MACROD2: variants seen among roughly 807,000 people sequenced by gnomAD.
The protein encoded by MACROD2 is mono-ADP ribosylhydrolase 2.
A neutral mutation model predicts 70.4 loss-of-function variants in MACROD2; 36 were observed. That is an observed-to-expected ratio of 0.51 (90% confidence interval 0.39 to 0.68). The LOEUF (loss-of-function observed/expected upper bound fraction) is 0.68. Among genes scored for constraint, MACROD2 ranks in the 30% least tolerant of loss-of-function variants. MACROD2 has a pLI of 0.00. For missense variants in MACROD2, 496 were observed against 538.4 expected, an observed-to-expected ratio of 0.92 and a Z score of 0.78; for synonymous variants, 172 against 178.8, an observed-to-expected ratio of 0.96 and a Z score of 0.30.
chr20:14,055,880 T>C (rs1003938034), intron 2 of MACROD2, among the ~76,000 whole-genome samples: 1 of 152,138 alleles, frequency 6.6e-6, no homozygotes, highest in Non-Finnish European at 1.5e-5. Flanking sequence ...TTGTATCTGG[T>C]ATTTAGCAGA....
chr20:14,567,847 A>G (rs1465756872), intron 4 of MACROD2, among the ~76,000 whole-genome samples: 1 of 152,074 alleles, frequency 6.6e-6, no homozygotes, highest in African/African-American at 2.4e-5. Context: ...CAAAACTTCT[A>G]ATTCTATCTG....
intron 2 of MACROD2, among the ~76,000 whole-genome samples, chr20:14,084,651 A>G (rs1409598788): frequency 1.3e-5 from 2 of 152,114 alleles, no homozygotes; most frequent in African/African-American, 4.8e-5. Context: ...TCAGAAAGTA[A>G]CGTTTTTGGC....
chr20:16,039,657 G>T (rs1465454180), intron 15 of MACROD2, among the ~76,000 whole-genome samples: 1 of 151,864 alleles, frequency 6.6e-6, no homozygotes, highest in Non-Finnish European at 1.5e-5. Flanking sequence ...GTTCACAAAT[G>T]GTTTCTTCTG....
chr20:14,966,768 T>C (rs916852354), intron 5 of MACROD2, among the ~76,000 whole-genome samples: 8 of 151,744 alleles, frequency 5.3e-5, no homozygotes, highest in African/African-American at 2.0e-4. Context: ...TGTTGTTGCA[T>C]ATACAAACAA....
chr20:15,183,088 T>C (rs1464303184), intron 5 of MACROD2, among the ~76,000 whole-genome samples: 1 of 152,212 alleles, frequency 6.6e-6, no homozygotes, highest in Non-Finnish European at 1.5e-5. Flanking sequence ...TTCTTGCCTT[T>C]ATTAGCCCAC....
chr20:14,752,444 C>T (rs1600626637), intron 5 of MACROD2, among the ~76,000 whole-genome samples: 1 of 151,914 alleles, frequency 6.6e-6, no homozygotes. Context: ...ATTTTATTGC[C>T]TAAATAGTCC....
chr20:14,868,581 G>T (rs1184141397), intron 5 of MACROD2, among the ~76,000 whole-genome samples: 1 of 152,062 alleles, frequency 6.6e-6, no homozygotes, highest in Admixed American at 6.6e-5. Context: ...CCAGCCTAGA[G>T]TCTAGGGCCC....
At chr20:14,486,011 G>A (rs546014146) in intron 3 of MACROD2, among the ~76,000 whole-genome samples, 7 of 152,184 alleles carry the variant, frequency 4.6e-5, no homozygotes, top group Admixed American at 4.6e-4. Flanking sequence ...CATCATCAGT[G>A]ACCAGTCTGT....
At chr20:14,892,461 C>CA (rs904305420) in intron 5 of MACROD2, among the ~76,000 whole-genome samples, 7 of 151,452 alleles carry the variant, frequency 4.6e-5, no homozygotes, top group Admixed American at 3.3e-4. Flanking sequence ...GACTCCATCT[C>CA]AAAAAAACAA....
rs761926323 is a variant in MACROD2, at chr20:15,228,285, T to G, written c.419-1655T>G. On this transcript the variant is annotated intron_variant, in intron 5 of 17. Transcript: ENST00000684519. Reference sequence around the variant, plus strand: ...GTAAGTTTACCTGTGAAACAATATCTGCGTGAACTTATTAGTGAAGTTTTG... The same window carrying G: ...GTAAGTTTACCTGTGAAACAATATCGGCGTGAACTTATTAGTGAAGTTTTG... 4.3e-4 allele frequency among the ~76,000 whole-genome samples: 66 copies of G among 152,152 alleles called. 1 individual carries two copies. The highest frequency in any genetic ancestry group is 1.5e-4 in the Non-Finnish European group (10 of 68,024).
intron 5 of MACROD2, among the ~76,000 whole-genome samples, chr20:14,876,716 T>G (rs2073555157): frequency 6.6e-6 from 1 of 152,172 alleles, no homozygotes; most frequent in South Asian, 2.1e-4. Flanking sequence ...ATTTATTCGG[T>G]AGGGAATCCT....
chr20:14,214,898 C>T (rs2081602527), intron 3 of MACROD2, among the ~76,000 whole-genome samples: 1 of 151,742 alleles, frequency 6.6e-6, no homozygotes, highest in Non-Finnish European at 1.5e-5. Flanking sequence ...AAAATAGTCT[C>T]CAGTCTCATT....
chr20:16,050,826 A>T lies in MACROD2; in HGVS notation c.*950A>T, dbSNP rs1243491035. Reference sequence around the variant, plus strand: ...ATATCCTGTCTTCACCCAAGGCTTGACAGCCCACAGAGTGGTCTCATTTGA... The same window carrying T: ...ATATCCTGTCTTCACCCAAGGCTTGTCAGCCCACAGAGTGGTCTCATTTGA... On this transcript the variant is annotated 3_prime_UTR_variant, in exon 18 of 18. Transcript: ENST00000684519. 6.6e-6 allele frequency: 1 copy of T among 152,272 alleles called. No individual in the cohort carries two copies. The highest frequency in any genetic ancestry group is 1.9e-4 in the East Asian group (1 of 5,208). The allele number at this position is 152,272 out of a possible 1,614,324, so 9.4% of individuals were successfully genotyped here.
In MACROD2 at chr20:15,344,078, T is replaced by C. The variant is rs548795317; in HGVS notation, c.541-87327T>C. Among the ~76,000 whole-genome samples, 3 of 152,336 alleles carry C rather than the reference T, an allele frequency of 2.0e-5. No homozygotes were observed. The East Asian group carries it at 5.8e-4, about 29-fold the overall frequency. On this transcript the variant is annotated intron_variant, in intron 6 of 17. Coordinates refer to ENST00000684519, the MANE Select transcript of MACROD2 (RefSeq NM_001351661.2). ...TGAGGTATGCACAGTTCAAAAGAGA[T>C]ACTTGTAGACTAAATTATCCAGATG... is the stretch of plus-strand genomic sequence containing the variant.
intron 7 of MACROD2, among the ~76,000 whole-genome samples, chr20:15,477,889 C>T (rs1277963411): frequency 6.6e-6 from 1 of 151,992 alleles, no homozygotes; most frequent in African/African-American, 2.4e-5. Context: ...ACCGTAACAG[C>T]AGAAGCAGAG....
chr20:14,231,446 A>C (rs928043567), intron 3 of MACROD2, among the ~76,000 whole-genome samples: 3 of 152,098 alleles, frequency 2.0e-5, no homozygotes, highest in Non-Finnish European at 4.4e-5. Flanking sequence ...AGCTTCATCC[A>C]TGTCCCCACA....
chr20:14,317,377 T>C (rs1448188992), intron 3 of MACROD2, among the ~76,000 whole-genome samples: 2 of 152,126 alleles, frequency 1.3e-5, no homozygotes, highest in Admixed American at 6.5e-5. Context: ...CCCAGCACTT[T>C]GGGAGGCCAA....
At chr20:14,558,430 A>G (rs1361026982) in intron 4 of MACROD2, among the ~76,000 whole-genome samples, 1 of 151,808 alleles carries the variant, frequency 6.6e-6, no homozygotes, top group Non-Finnish European at 1.5e-5. Context: ...TGACCCAACC[A>G]TATGCTGTCT....
intron 5 of MACROD2, among the ~76,000 whole-genome samples, chr20:15,112,634 T>C (rs976614083): frequency 6.6e-6 from 1 of 152,198 alleles, no homozygotes; most frequent in Non-Finnish European, 1.5e-5. Context: ...GTTACTGTGG[T>C]TAAACACGTA....
Sources: gnomAD v4.1 joint callset for allele counts (sites outside exome capture counted in the v4.1 genomes callset) on GRCh38, gnomAD v4.1.1 for gene constraint, MANE v1.5 for transcripts, NCBI Gene and HGNC (gene_info 2026-07-23, HGNC 2026-07-21) for gene names.